Variants in RALYL observed in about 807,000 individuals in gnomAD.
RALYL encodes the protein RNA-binding Raly-like protein.
Under a neutral mutation model 35.1 loss-of-function variants are expected in RALYL, and 29 were observed. That is an observed-to-expected ratio of 0.83 (90% CI 0.61 to 1.13). The LOEUF (loss-of-function observed/expected upper bound fraction) is 1.13. Ranked by LOEUF, RALYL falls within the 50% of genes most tolerant of loss-of-function variation. The probability of loss-of-function intolerance (pLI) is 0.00; values close to 1 mark genes in which losing one functional copy is unlikely to be tolerated. For missense variants in RALYL, 359 were observed against 360.4 expected, an observed-to-expected ratio of 1.00 and a Z score of 0.03; for synonymous variants, 120 against 127.6, an observed-to-expected ratio of 0.94 and a Z score of 0.40.
At chr8:84,725,201 A>G (rs889644970) in intron 2 of RALYL, among the ~76,000 whole-genome samples, 5 of 151,706 alleles carry the variant, frequency 3.3e-5, no homozygotes, top group African/African-American at 4.8e-5. Context: ...TAGTTTAGGC[A>G]GAGTCTTAGG....
intron 4 of RALYL, among the ~76,000 whole-genome samples, chr8:84,835,387 G>T (rs959559123): frequency 5.3e-5 from 8 of 151,670 alleles, no homozygotes; most frequent in Non-Finnish European, 1.5e-5. Context: ...GAACATATTG[G>T]CTGGGCACGG....
intron 2 of RALYL, among the ~76,000 whole-genome samples, chr8:84,693,532 T>A (rs2132192777): frequency 6.6e-6 from 1 of 151,956 alleles, no homozygotes; most frequent in African/African-American, 2.4e-5. Context: ...GAAGATGAGA[T>A]TTTGGTGGGG....
chr8:84,541,616 C>T lies in RALYL; in HGVS notation c.256+12039C>T, dbSNP rs573530859. ...CGCTAACTGAATTACTCTGACCTTC[C>T]GCATCGTTACTGATTTTTGTCCTCT... On this transcript the variant is annotated intron_variant, in intron 2 of 8. Coordinates refer to ENST00000521268, the MANE Select transcript of RALYL (RefSeq NM_173848.7). 2.4e-4 allele frequency among the ~76,000 whole-genome samples: 36 copies of T among 152,044 alleles called. 1 individual carries two copies. In the South Asian group the frequency reaches 7.1e-3, roughly 30 times the overall value.
intron 1 of RALYL, among the ~76,000 whole-genome samples, chr8:84,214,236 A>G (rs1263700527): frequency 6.6e-6 from 1 of 152,134 alleles, no homozygotes. Context: ...GAGTAATGAA[A>G]ATTGATAAGT....
intron 2 of RALYL, among the ~76,000 whole-genome samples, chr8:84,742,191 C>A (rs774160212): frequency 6.6e-6 from 1 of 151,906 alleles, no homozygotes; most frequent in Non-Finnish European, 1.5e-5. Context: ...GGATAAAAAT[C>A]CAGTCTTACC....
intron 2 of RALYL, among the ~76,000 whole-genome samples, chr8:84,761,386 A>G (rs1202797534): frequency 6.6e-6 from 1 of 152,112 alleles, no homozygotes; most frequent in African/African-American, 2.4e-5. Flanking sequence ...CAGTTCATTT[A>G]TATTTAATAT....
intron 2 of RALYL, among the ~76,000 whole-genome samples, chr8:84,739,124 A>G (rs1406072280): frequency 1.3e-5 from 2 of 152,058 alleles, no homozygotes; most frequent in African/African-American, 4.8e-5. Context: ...ATTTACATTC[A>G]TATGTTATAT....
chr8:84,785,822 T>C (rs1446523737), intron 3 of RALYL, among the ~76,000 whole-genome samples: 2 of 152,128 alleles, frequency 1.3e-5, no homozygotes, highest in Admixed American at 6.5e-5. Context: ...AGCATTTGAT[T>C]AGAGAAAAAA....
At chr8:84,306,626 G>C (rs1277199082) in intron 1 of RALYL, among the ~76,000 whole-genome samples, 1 of 152,104 alleles carries the variant, frequency 6.6e-6, no homozygotes, top group Non-Finnish European at 1.5e-5. Flanking sequence ...GGACACAAAT[G>C]TTGGGCCCCC....
intron 4 of RALYL, among the ~76,000 whole-genome samples, chr8:84,840,865 C>A (rs1428702825): frequency 1.3e-5 from 2 of 152,106 alleles, no homozygotes; most frequent in South Asian, 2.1e-4. Context: ...TCCAGCCAAA[C>A]TAAGCTTCAT....
intron 1 of RALYL, among the ~76,000 whole-genome samples, chr8:84,324,703 C>T (rs1161151453): frequency 6.6e-6 from 1 of 151,574 alleles, no homozygotes; most frequent in East Asian, 1.9e-4. Flanking sequence ...GGAATTATTA[C>T]TGCTTCCCAA....
At chr8:84,799,029 TAA>T (rs1208337789) in intron 3 of RALYL, among the ~76,000 whole-genome samples, 1 of 152,150 alleles carries the variant, frequency 6.6e-6, no homozygotes, top group African/African-American at 2.4e-5. Context: ...AATATAGTAA[TAA>T]AGTTATATTG....
intron 2 of RALYL, among the ~76,000 whole-genome samples, chr8:84,682,777 T>G (rs1033912833): frequency 2.6e-5 from 4 of 152,062 alleles, no homozygotes; most frequent in African/African-American, 9.7e-5. Flanking sequence ...TTTGTTGATC[T>G]TTTCAAAAAA....
chr8:84,773,046 C>T (rs1290083893), intron 2 of RALYL, among the ~76,000 whole-genome samples: 2 of 152,086 alleles, frequency 1.3e-5, no homozygotes, highest in African/African-American at 2.4e-5. Flanking sequence ...ATATTTGTCA[C>T]CTATGTTGAA....
chr8:84,571,537 T>G (rs1331103134), intron 2 of RALYL, among the ~76,000 whole-genome samples: 1 of 151,792 alleles, frequency 6.6e-6, no homozygotes, highest in African/African-American at 2.4e-5. Flanking sequence ...GTCTATCAAT[T>G]TTGTTTATCC....
chr8:84,314,524 A>G (rs2130083447), intron 1 of RALYL, among the ~76,000 whole-genome samples: 1 of 152,226 alleles, frequency 6.6e-6, no homozygotes, highest in Admixed American at 6.5e-5. Context: ...CTCAATAAAT[A>G]TATGTGAAAC....
At chr8:84,738,139 A>G (rs553921049) in intron 2 of RALYL, among the ~76,000 whole-genome samples, 6 of 152,156 alleles carry the variant, frequency 3.9e-5, no homozygotes, top group African/African-American at 1.4e-4. Context: ...ACACAGGGCT[A>G]TGGGAGCCAA....
At chr8:84,371,174 A>C (rs781098072) in intron 1 of RALYL, among the ~76,000 whole-genome samples, 11 of 151,896 alleles carry the variant, frequency 7.2e-5, no homozygotes, top group Non-Finnish European at 1.5e-4. Flanking sequence ...CTCAGTATTT[A>C]CTCTGTCAAG....
intron 1 of RALYL, among the ~76,000 whole-genome samples, chr8:84,188,920 T>G (rs1222427239): frequency 6.6e-6 from 1 of 152,158 alleles, no homozygotes; most frequent in African/African-American, 2.4e-5. Flanking sequence ...TTAAAAAGAT[T>G]TTTGTTTGCT....
Sources: allele counts gnomAD v4.1 joint callset (sites outside exome capture counted in the v4.1 genomes callset), GRCh38; gene constraint gnomAD v4.1.1; transcripts MANE v1.5; gene names NCBI Gene and HGNC (gene_info 2026-07-23, HGNC 2026-07-21).